The following JCAD variants were observed in gnomAD, a reference collection of about 807,000 sequenced individuals.
JCAD encodes junctional cadherin 5 associated, also known as junctional cadherin 5-associated protein.
In JCAD, 40 loss-of-function variants were observed where a neutral mutation model predicts 98.0. The observed-to-expected ratio is 0.41, with a 90% CI of 0.32 to 0.53. The LOEUF (loss-of-function observed/expected upper bound fraction) is 0.53, where lower values mean the gene tolerates loss of function less well. Among genes scored for constraint, JCAD ranks in the 20% least tolerant of loss-of-function variants. The probability of loss-of-function intolerance (pLI) is 0.31; values close to 1 mark genes in which losing one functional copy is unlikely to be tolerated. For synonymous variants in JCAD, 691 were observed against 682.3 expected (o/e 1.01, Z -0.20); for missense variants, 1,705 against 1,738.1 (o/e 0.98, Z 0.34).
rs532250683 is a variant in JCAD at position 30,028,357 on chromosome 10, A to G, written c.1791T>C (p.Asp597=). Residue 597 remains aspartate, a synonymous_variant, in exon 3 of 4, where the codon GAT becomes GAC. Transcript: ENST00000375377. ...VKSESHLPDR[D]MDNNDLKPSA... ...TGGGCTTTAAGTCATTGTTGTCCATATCTCTATCTGGCAGATGTGATTCTG... is the reference window on the plus strand; with the variant it reads ...TGGGCTTTAAGTCATTGTTGTCCATGTCTCTATCTGGCAGATGTGATTCTG... 2 of 1,614,178 alleles carry G rather than the reference A, an allele frequency of 1.2e-6. No homozygotes were observed. Among genetic ancestry groups the G allele is most frequent in the Non-Finnish European group, 1.7e-6 (2 of 1,180,048 alleles).
intron 3 of JCAD, among the ~76,000 whole-genome samples, chr10:30,025,675 C>G (rs1836774826): frequency 6.6e-6 from 1 of 151,600 alleles, no homozygotes; most frequent in Non-Finnish European, 1.5e-5. Flanking sequence ...ATCACCTGAG[C>G]TCAGGAGTTC....
intron 3 of JCAD, among the ~76,000 whole-genome samples, chr10:30,025,045 C>T (rs1190404557): frequency 6.6e-6 from 1 of 152,094 alleles, no homozygotes; most frequent in Non-Finnish European, 1.5e-5. Flanking sequence ...ACTGAAACAA[C>T]AGCTCTTTTC....
In JCAD at chr10:30,026,345, A is replaced by G; in HGVS notation, c.3803T>C (p.Val1268Ala). 6.2e-7 allele frequency: 1 copy of G among 1,614,150 alleles called. No individual in the cohort carries two copies. Among genetic ancestry groups the G allele is most frequent in the Non-Finnish European group, 8.5e-7 (1 of 1,180,018 alleles). ...GAAGCTCAGGACTCTCATCCGTGAC[A>G]CTGAGCTCACCTCTTTCATTCTCAT... ...RLMRMKEVSS[V>A]SRMRVLSFRN... Residue 1268 changes from valine to alanine, a missense_variant, in exon 3 of 4, where the codon GTG (valine) becomes GCG (alanine). Coordinates refer to ENST00000375377, the MANE Select transcript of JCAD (RefSeq NM_020848.4).
At position 30,047,650 on chromosome 10, in the gene JCAD, C is replaced by T. The variant is rs1333472251; in HGVS notation, c.163G>A (p.Ala55Thr). The T allele has an allele frequency of 2.5e-6, 4 of 1,614,182 alleles. No individual in the cohort carries two copies. The highest frequency in any genetic ancestry group is 2.2e-5 in the South Asian group (2 of 91,070). The change falls in exon 2 of 4, where the codon GCA becomes ACA. Residue 55 changes from alanine (A) to threonine (T), a missense_variant. Physicochemically the swap from Ala to Thr is moderately conservative, Grantham distance 58. Transcript: ENST00000375377. ...TTCCCCGCGGACGTCTTACGATGTGCGAGGGCCGCAGGGCCATCCTCATGC... is the reference window on the plus strand; with the variant it reads ...TTCCCCGCGGACGTCTTACGATGTGTGAGGGCCGCAGGGCCATCCTCATGC... ...NGHEDGPAALAHRKTSAGKGH... is the reference protein window; with the variant it reads ...NGHEDGPAALTHRKTSAGKGH...
intron 1 of JCAD, among the ~76,000 whole-genome samples, chr10:30,094,129 G>T (rs998626070): frequency 3.9e-5 from 6 of 152,154 alleles, no homozygotes; most frequent in Non-Finnish European, 8.8e-5. Context: ...TCATTGCTTT[G>T]TTAAGTCAAG....
In JCAD at chr10:30,028,120, C is replaced by T; in HGVS notation, c.2028G>A (p.Lys676=). 1 of 1,614,198 alleles carries T rather than the reference C, an allele frequency of 6.2e-7. No individual in the cohort carries two copies. The highest frequency in any genetic ancestry group is 8.5e-7 in the Non-Finnish European group (1 of 1,180,022). ...GGTGCCCTGGCCAAGAGCCAGAATG[C>T]TTGAGTTCTCTGTGCTTTGTAAGGT... ...FIHLTKHREL[K]HSGSWPGHRY... The change falls in exon 3 of 4, where the codon AAG becomes AAA. Residue 676 remains lysine (K), a synonymous_variant. Transcript: ENST00000375377.
Position 30,036,398 on chromosome 10 carries a change from G to A in JCAD, c.282-6532C>T, listed in dbSNP as rs530436389. ...CAGGAGGTGGAGGTTGCAGTGAGCT[G>A]AGATTGCACCACTGCACTCCAGCCT... On this transcript the variant is annotated intron_variant, in intron 2 of 3. Transcript: ENST00000375377. 1.9e-3 allele frequency among the ~76,000 whole-genome samples: 294 copies of A among 151,816 alleles called. 3 individuals carry two copies. Among genetic ancestry groups the A allele is most frequent in the African/African-American group, 6.9e-3 (286 of 41,368 alleles).
Position 30,077,363 on chromosome 10 carries a change from GCCTC to G in JCAD, n.129-7546_129-7543del, listed in dbSNP as rs1837999925. On this transcript the variant is annotated intron_variant and non_coding_transcript_variant, in intron 1 of 2. Coordinates refer to the JCAD transcript ENST00000465712. ...ACAATCTCAGCTCACTGCAGCCTCT[GCCTC>G]CTGGGTTCAAGTGATTCTCCTGCCT... Among the ~76,000 whole-genome samples the G allele has an allele frequency of 2.6e-5, 4 of 152,058 alleles. 1 individual carries two copies. The highest frequency in any genetic ancestry group is 2.6e-4 in the Admixed American group (4 of 15,268).
chr10:30,057,415 C>A (rs1837594953), intron 1 of JCAD, among the ~76,000 whole-genome samples: 1 of 152,044 alleles, frequency 6.6e-6, no homozygotes, highest in Non-Finnish European at 1.5e-5. Context: ...TATTTATTTT[C>A]CTTGTGTACC....
rs78600908 is a variant in JCAD at position 30,082,173 on chromosome 10, C to G, written n.129-12352G>C. Among the ~76,000 whole-genome samples, 530 of 152,222 alleles carry G rather than the reference C, an allele frequency of 3.5e-3. 5 individuals are homozygous for G. The highest frequency in any genetic ancestry group is 0.012 in the African/African-American group (493 of 41,548). On this transcript the variant is annotated intron_variant and non_coding_transcript_variant, in intron 1 of 2. Coordinates refer to the JCAD transcript ENST00000465712. ...TAAAACCTTAAAAAGGGCCTTGGAA[C>G]AGATGGTAGTTTTAGAACAAAACAG... is the stretch of plus-strand genomic sequence containing the variant.
intron 2 of JCAD, among the ~76,000 whole-genome samples, chr10:30,046,493 T>A (rs7089816): frequency 0.28 from 42,136 of 152,158 alleles, 6,888 homozygotes; most frequent in Non-Finnish European, 0.37. Context: ...CGTTTTGTTT[T>A]ACAAACGGAG....
chr10:30,103,834 C>T (rs775166857), intron 1 of JCAD, among the ~76,000 whole-genome samples: 2 of 150,414 alleles, frequency 1.3e-5, no homozygotes, highest in Non-Finnish European at 2.9e-5. Flanking sequence ...TGGGTTCAAG[C>T]GATTCTCCTA....
intron 1 of JCAD, among the ~76,000 whole-genome samples, chr10:30,086,742 A>G (rs757942119): frequency 6.6e-6 from 1 of 152,234 alleles, no homozygotes; most frequent in Non-Finnish European, 1.5e-5. Flanking sequence ...TGTAGATTCA[A>G]ACTCTTTCCA....
rs1589671494 is a variant in JCAD at position 30,015,777 on chromosome 10, T to C, written c.*2106A>G. ...ATATACATGTATGGGTATGTGTGCA[T>C]ACATGTACGAGTATACATGTGCACG... On this transcript the variant is annotated 3_prime_UTR_variant, in exon 4 of 4. Coordinates refer to ENST00000375377, the MANE Select transcript of JCAD (RefSeq NM_020848.4). The C allele has an allele frequency of 6.6e-6, 1 of 152,226 alleles. No homozygotes were observed. Among genetic ancestry groups the C allele is most frequent in the East Asian group, 1.9e-4 (1 of 5,194 alleles). 9.4% of individuals were successfully genotyped at this position (152,226 alleles called of 1,614,324 possible). A position where few individuals can be genotyped will look rare whatever the true frequency, so the allele number is the denominator to read the frequency against.
intron 2 of JCAD, among the ~76,000 whole-genome samples, chr10:30,065,232 A>G (rs1837763368): frequency 6.6e-6 from 1 of 152,226 alleles, no homozygotes; most frequent in Non-Finnish European, 1.5e-5. Context: ...TTCATTTCAA[A>G]ATAGCTGGAA....
At chr10:30,091,949 A>G (rs1237225713) in intron 1 of JCAD, among the ~76,000 whole-genome samples, 21 of 140,810 alleles carry the variant, frequency 1.5e-4, no homozygotes, top group African/African-American at 5.5e-4. Context: ...AATCTCTTAA[A>G]TCCAGGAGGC....
chr10:30,089,590 A>G (rs150819847), intron 1 of JCAD, among the ~76,000 whole-genome samples: 2,758 of 151,392 alleles, frequency 0.018, 38 homozygotes, highest in Non-Finnish European at 0.025. Flanking sequence ...ATGTTGGAAG[A>G]CCTTTTCAAA....
Position 30,027,845 on chromosome 10 carries a change from G to A in JCAD, c.2303C>T (p.Ser768Phe), listed in dbSNP as rs1836868514. 1 of 1,614,274 alleles carries A rather than the reference G, an allele frequency of 6.2e-7. No homozygotes were observed. Among genetic ancestry groups the A allele is most frequent in the Non-Finnish European group, 8.5e-7 (1 of 1,180,052 alleles). The change falls in exon 3 of 4, where the codon TCC becomes TTC. Residue 768 changes from serine (S) to phenylalanine (F), a missense_variant. By Grantham distance (155) the Ser-to-Phe change is radical. Coordinates refer to ENST00000375377, the MANE Select transcript of JCAD (RefSeq NM_020848.4). ...CGTCGGTGCCTGGTCCACGGACAAG[G>A]AAGTCCTTGAGAACGCACTGTTGCT... ...PSSNSAFSRT[S>F]LSVDQAPTPK...
At chr10:30,065,508 T>TA (rs1010061130) in intron 2 of JCAD, among the ~76,000 whole-genome samples, 2 of 138,348 alleles carry the variant, frequency 1.4e-5, no homozygotes, top group Non-Finnish European at 3.0e-5. Context: ...TATCGCATAA[T>TA]TTTTTTTTTT....
Sources: allele counts gnomAD v4.1 joint callset (sites outside exome capture counted in the v4.1 genomes callset), GRCh38; gene constraint gnomAD v4.1.1; transcripts MANE v1.5; gene names NCBI Gene and HGNC (gene_info 2026-07-23, HGNC 2026-07-21).